Variants in PRKDC observed in about 807,000 individuals in gnomAD.
The protein encoded by PRKDC is DNA-dependent protein kinase catalytic subunit.
PRKDC carries 82 observed loss-of-function variants against 486.9 expected under a neutral mutation model. The observed-to-expected ratio is 0.17, with a 90% CI of 0.14 to 0.20. The LOEUF is 0.20. Ranked by LOEUF, PRKDC falls within the 10% of genes least tolerant of loss-of-function variation. The pLI is 1.00. For synonymous variants in PRKDC, 1,895 were observed against 1,837.0 expected (o/e 1.03, Z -0.81); for missense variants, 4,504 against 5,038.2 (o/e 0.89, Z 3.21).
At chr8:47,909,984 C>T (rs1039531632) in intron 25 of PRKDC, among the ~76,000 whole-genome samples, 12 of 152,250 alleles carry the variant, frequency 7.9e-5, no homozygotes, top group African/African-American at 1.4e-4. Flanking sequence ...CTCTGAAGCA[C>T]GTGATCTTTG....
At chr8:47,781,170 C>A (rs751851473) in intron 80 of PRKDC, among the ~76,000 whole-genome samples, 38 of 152,190 alleles carry the variant, frequency 2.5e-4, no homozygotes, top group Admixed American at 1.4e-3. Flanking sequence ...TGCTTGGCAC[C>A]TGCATTGTCA....
At position 47,913,947 on chromosome 8, in the gene PRKDC, G is replaced by A. The variant is rs1299058376; in HGVS notation, c.2735C>T (p.Pro912Leu). 3.7e-6 allele frequency: 6 copies of A among 1,611,852 alleles called. No individual in the cohort carries two copies. In the Admixed American group the frequency reaches 1.0e-4, roughly 27 times the overall value. ...KPVIFLDVFLPRVTELALTAS... is the reference protein window; with the variant it reads ...KPVIFLDVFLLRVTELALTAS... Reference sequence around the variant, plus strand: ...TGTGAGCGCTAATTCTGTGACTCGAGGCAGGAACACATCCAGGAAAATGAC... The same window carrying A: ...TGTGAGCGCTAATTCTGTGACTCGAAGCAGGAACACATCCAGGAAAATGAC... The change falls in exon 24 of 86, where the codon CCT (proline) becomes CTT (leucine). Residue 912 changes from proline (P) to leucine (L), a missense_variant. This residue lies in a region of PRKDC where 1,969 missense variants were observed against 2,068.9 expected (regional missense o/e 0.95). Coordinates refer to ENST00000314191, the MANE Select transcript of PRKDC (RefSeq NM_006904.7).
At chr8:47,836,830 A>C (rs76763453) in intron 57 of PRKDC, among the ~76,000 whole-genome samples, 97 of 152,388 alleles carry the variant, frequency 6.4e-4, no homozygotes, top group Admixed American at 2.7e-3. Flanking sequence ...CAGCTTGTCC[A>C]CATACACACG....
At chr8:47,808,905 C>T (rs2087268410) in intron 68 of PRKDC, among the ~76,000 whole-genome samples, 2 of 151,802 alleles carry the variant, frequency 1.3e-5, no homozygotes, top group Non-Finnish European at 2.9e-5. Context: ...GGCATGGTGG[C>T]GTGAGCCTGT....
At chr8:47,917,066 G>C (rs2089997217) in intron 22 of PRKDC, among the ~76,000 whole-genome samples, 1 of 152,008 alleles carries the variant, frequency 6.6e-6, no homozygotes, top group Non-Finnish European at 1.5e-5. Flanking sequence ...GACCAGCCTG[G>C]GCAACAATGC....
At chr8:47,862,159 TG>T in intron 43 of PRKDC, 32 bp from the exon 44 acceptor site, 1 of 1,513,440 alleles carries the variant, frequency 6.6e-7, no homozygotes, top group Non-Finnish European at 9.0e-7. Context: ...TAAAAATAGC[TG>T]AATGGTGAAG....
intron 24 of PRKDC, 101 bp downstream of exon 24, chr8:47,913,800 C>G (rs1589788143): frequency 8.6e-7 from 1 of 1,163,166 alleles, no homozygotes; most frequent in Admixed American, 2.9e-5. Flanking sequence ...TACAAAATTA[C>G]TAATATTGGA....
chr8:47,799,529 G>C (rs1453712247), intron 71 of PRKDC, 139 bp from the exon 72 acceptor site: 1 of 876,920 alleles, frequency 1.1e-6, no homozygotes, highest in African/African-American at 1.7e-5. Context: ...GGAAAAACAA[G>C]AGTCCACCCT....
chr8:47,820,536 G>C (rs1210553537), intron 66 of PRKDC, among the ~76,000 whole-genome samples, 183 bp downstream of exon 66: 2 of 151,910 alleles, frequency 1.3e-5, no homozygotes. Flanking sequence ...AGCATTATTG[G>C]AAGAACAGAA....
At chr8:47,902,866 A>G in intron 26 of PRKDC, 71 bp from the exon 27 acceptor site, 2 of 1,159,968 alleles carry the variant, frequency 1.7e-6, no homozygotes, top group Admixed American at 2.9e-5. Context: ...CCCTTGGTCT[A>G]TCTCTGAGCA....
At chr8:47,919,870 G>A (rs997641853) in intron 21 of PRKDC, among the ~76,000 whole-genome samples, 2 of 152,108 alleles carry the variant, frequency 1.3e-5, no homozygotes, top group African/African-American at 4.8e-5. Flanking sequence ...AATCTCTGCA[G>A]CACTGCGACA....
intron 40 of PRKDC, among the ~76,000 whole-genome samples, chr8:47,870,668 A>C (rs2088931066): frequency 6.6e-6 from 1 of 152,234 alleles, no homozygotes; most frequent in African/African-American, 2.4e-5. Flanking sequence ...TAATGCCCTG[A>C]TATCAATGAA....
chr8:47,855,058 G>A (rs1052892563), intron 50 of PRKDC, among the ~76,000 whole-genome samples, 164 bp downstream of exon 50: 1 of 152,158 alleles, frequency 6.6e-6, no homozygotes, highest in Non-Finnish European at 1.5e-5. Flanking sequence ...TGCGAGACAC[G>A]CATCTGGTGC....
At chr8:47,807,077 A>T in intron 69 of PRKDC, 60 bp downstream of exon 69, 2 of 1,496,096 alleles carry the variant, frequency 1.3e-6, no homozygotes, top group Non-Finnish European at 1.8e-6. Context: ...CTAAAATTAG[A>T]GAAAAGCTAA....
intron 54 of PRKDC, among the ~76,000 whole-genome samples, chr8:47,843,097 C>T (rs899630176): frequency 2.0e-5 from 3 of 152,060 alleles, no homozygotes; most frequent in Non-Finnish European, 2.9e-5. Flanking sequence ...CTTGAGAGGT[C>T]GAGGCTGCAG....
intron 24 of PRKDC, among the ~76,000 whole-genome samples, chr8:47,913,235 G>GT: frequency 6.6e-6 from 1 of 152,306 alleles, no homozygotes; most frequent in African/African-American, 2.4e-5. Flanking sequence ...TGAACCTGCA[G>GT]TATCACCAAG....
intron 68 of PRKDC, among the ~76,000 whole-genome samples, chr8:47,816,855 T>C (rs1476397380): frequency 6.6e-6 from 1 of 151,618 alleles, no homozygotes; most frequent in African/African-American, 2.4e-5. Context: ...GAGGAAATAA[T>C]GGGAGACCAT....
At chr8:47,944,310 G>C (rs1355245086) in intron 7 of PRKDC, among the ~76,000 whole-genome samples, 3 of 151,998 alleles carry the variant, frequency 2.0e-5, no homozygotes, top group Non-Finnish European at 4.4e-5. Flanking sequence ...TCACTTAAAA[G>C]CTCTGTTAGA....
intron 28 of PRKDC, 102 bp from the exon 29 acceptor site, chr8:47,898,671 G>T: frequency 1.6e-6 from 1 of 638,104 alleles, no homozygotes. Context: ...AACTGAAAAG[G>T]TAATTTTACT....
Sources: gnomAD v4.1 joint callset for allele counts (sites outside exome capture counted in the v4.1 genomes callset) on GRCh38, gnomAD v4.1.1 for gene constraint, gnomAD v4.1.1 regional missense constraint, MANE v1.5 for transcripts, NCBI Gene and HGNC (gene_info 2026-07-23, HGNC 2026-07-21) for gene names.